The following MAP3K20 variants were observed in gnomAD, a reference collection of about 807,000 sequenced individuals.
MAP3K20 encodes the protein HCCS-4.
In MAP3K20, 40 loss-of-function variants were observed where a neutral mutation model predicts 85.7. That is an observed-to-expected ratio of 0.47 (90% CI 0.36 to 0.61). The LOEUF (loss-of-function observed/expected upper bound fraction) is 0.61, where lower values mean the gene tolerates loss of function less well. Ranked by LOEUF, MAP3K20 falls within the 20% of genes least tolerant of loss-of-function variation. The pLI is 0.00. For missense variants in MAP3K20, 817 were observed against 961.7 expected (o/e 0.85, Z 1.99); for synonymous variants, 325 against 327.7 (o/e 0.99, Z 0.09).
intron 10 of MAP3K20, chr2:173,211,988 A>G (rs774516926): frequency 1.3e-5 from 2 of 152,238 alleles, no homozygotes; most frequent in Admixed American, 6.5e-5. Context: ...GAGGCAGACA[A>G]TCACGTTTGT....
intron 16 of MAP3K20, among the ~76,000 whole-genome samples, chr2:173,257,543 T>A (rs1427887769): frequency 6.6e-6 from 1 of 152,242 alleles, no homozygotes; most frequent in Non-Finnish European, 1.5e-5. Context: ...TCTATGCATA[T>A]ATCACAGTTT....
intron 4 of MAP3K20, among the ~76,000 whole-genome samples, chr2:173,186,867 T>C (rs1279027003): frequency 2.0e-5 from 3 of 152,202 alleles, no homozygotes; most frequent in East Asian, 1.9e-4. Context: ...TAAAGCTCTA[T>C]AAATATGATG....
At chr2:173,081,785 G>T (rs1209109901) in intron 1 of MAP3K20, among the ~76,000 whole-genome samples, 1 of 152,152 alleles carries the variant, frequency 6.6e-6, no homozygotes, top group Non-Finnish European at 1.5e-5. Flanking sequence ...TCGGGTTCAT[G>T]ACTGCTTCCC....
At chr2:173,160,717 C>T (rs1403592460) in intron 2 of MAP3K20, among the ~76,000 whole-genome samples, 1 of 152,156 alleles carries the variant, frequency 6.6e-6, no homozygotes, top group African/African-American at 2.4e-5. Context: ...TTTCTCCTTG[C>T]GTTCACATTC....
At chr2:173,190,787 C>A in intron 5 of MAP3K20, 108 bp from the exon 6 acceptor site, 1 of 1,064,398 alleles carries the variant, frequency 9.4e-7, no homozygotes, top group Non-Finnish European at 1.4e-6. Context: ...TTTCACCTTT[C>A]ATAATCCCAT....
chr2:173,099,309 TTGTTTTG>T (rs1426102036), intron 2 of MAP3K20, among the ~76,000 whole-genome samples: 2 of 149,246 alleles, frequency 1.3e-5, no homozygotes, highest in African/African-American at 2.5e-5. Context: ...TTTTGTTTGT[TTGTTTTG>T]TGTTTTGTGT....
intron 2 of MAP3K20, among the ~76,000 whole-genome samples, chr2:173,122,742 A>G (rs1429957751): frequency 6.6e-6 from 1 of 152,154 alleles, no homozygotes; most frequent in Non-Finnish European, 1.5e-5. Flanking sequence ...TGCAGGATAA[A>G]TTAGCTACCA....
chr2:173,221,385 A>T, intron 11 of MAP3K20: 1 of 1,614,142 alleles, frequency 6.2e-7, no homozygotes, highest in Non-Finnish European at 8.5e-7. Context: ...CAAGCCAAGC[A>T]GAATTCTTCC....
chr2:173,217,055 C>T (rs1684092657), intron 10 of MAP3K20, 60 bp from the exon 11 acceptor site: 1 of 1,355,606 alleles, frequency 7.4e-7, no homozygotes, highest in Non-Finnish European at 9.6e-7. Flanking sequence ...CTGATGGACC[C>T]ACTAAGCGCT....
At position 173,255,847 on chromosome 2, in the gene MAP3K20, GGAGGTTCTT is replaced by G. The variant is rs1404299441; in HGVS notation, c.1360-2850_1360-2842del. Among the ~76,000 whole-genome samples the G allele has an allele frequency of 2.0e-5, 3 of 151,886 alleles. No individual in the cohort carries two copies. In the East Asian group the frequency reaches 5.8e-4, roughly 29 times the overall value. ...CTTTTTATCCCAGCTGCTGCCTTGAGGAGGTTCTTGCTATTTCAGAGAAGAGCAATCATG... is the reference window on the plus strand; with the variant it reads ...CTTTTTATCCCAGCTGCTGCCTTGAGGCTATTTCAGAGAAGAGCAATCATG... On this transcript the variant is annotated intron_variant, in intron 16 of 19. Coordinates refer to ENST00000375213, the MANE Select transcript of MAP3K20 (RefSeq NM_016653.3).
At chr2:173,201,342 A>G (rs1386284599) in intron 8 of MAP3K20, among the ~76,000 whole-genome samples, 2 of 152,184 alleles carry the variant, frequency 1.3e-5, no homozygotes, top group Non-Finnish European at 2.9e-5. Flanking sequence ...ACAGATGGAT[A>G]TATTTGCTTT....
At chr2:173,135,787 A>G (rs539555770) in intron 2 of MAP3K20, among the ~76,000 whole-genome samples, 1 of 152,270 alleles carries the variant, frequency 6.6e-6, no homozygotes, top group Non-Finnish European at 1.5e-5. Context: ...ACTCTAGACA[A>G]TTTTATCACA....
intron 19 of MAP3K20, among the ~76,000 whole-genome samples, chr2:173,265,776 C>T (rs1685404995): frequency 6.6e-6 from 1 of 152,042 alleles, no homozygotes; most frequent in Non-Finnish European, 1.5e-5. Context: ...TTAGTGTTTA[C>T]CTAAGAAGAT....
intron 3 of MAP3K20, among the ~76,000 whole-genome samples, chr2:173,173,221 G>A (rs1371331801): frequency 2.6e-5 from 4 of 151,498 alleles, no homozygotes; most frequent in Admixed American, 6.6e-5. Flanking sequence ...AAATATGTGA[G>A]GGCAGGGGGA....
At chr2:173,115,953 G>A (rs541142453) in intron 2 of MAP3K20, among the ~76,000 whole-genome samples, 10 of 151,812 alleles carry the variant, frequency 6.6e-5, no homozygotes, top group Non-Finnish European at 8.8e-5. Flanking sequence ...TGCAATCATG[G>A]CAGAAAGGCG....
At chr2:173,080,202 A>G (rs1559222414) in intron 1 of MAP3K20, among the ~76,000 whole-genome samples, 1 of 152,244 alleles carries the variant, frequency 6.6e-6, no homozygotes, top group Non-Finnish European at 1.5e-5. Context: ...ACTAAAGCAT[A>G]GTTATGTGGT....
intron 11 of MAP3K20, chr2:173,225,835 T>C: frequency 1.0e-6 from 1 of 984,852 alleles, no homozygotes; most frequent in South Asian, 4.7e-5. Flanking sequence ...TCCTTAGAAA[T>C]GCTGGTGGCA....
intron 1 of MAP3K20, 74 bp downstream of exon 1, chr2:173,076,076 T>A (rs1686845604): frequency 1.1e-6 from 1 of 947,946 alleles, no homozygotes; most frequent in East Asian, 1.2e-4. Flanking sequence ...GAGTCGTCCC[T>A]GCGTCTCGGG....
At chr2:173,178,402 C>T (rs987870983) in intron 3 of MAP3K20, among the ~76,000 whole-genome samples, 7 of 152,192 alleles carry the variant, frequency 4.6e-5, no homozygotes, top group African/African-American at 1.7e-4. Flanking sequence ...TTAGCACTTG[C>T]GGAGGCCAAG....
Sources: gnomAD v4.1 joint callset for allele counts (sites outside exome capture counted in the v4.1 genomes callset) on GRCh38, gnomAD v4.1.1 for gene constraint, MANE v1.5 for transcripts, NCBI Gene and HGNC (gene_info 2026-07-23, HGNC 2026-07-21) for gene names.